The following LTBP1 variants were observed in gnomAD, a reference collection of about 807,000 sequenced individuals.
LTBP1 encodes the protein latent-transforming growth factor beta-binding protein 1.
In LTBP1, 129 loss-of-function variants were observed where a neutral mutation model predicts 207.6. That is an observed-to-expected ratio of 0.62 (90% CI 0.54 to 0.72). LTBP1 has a LOEUF of 0.72. Ranked by LOEUF, LTBP1 falls within the 30% of genes least tolerant of loss-of-function variation. LTBP1 has a pLI of 0.00. For missense variants in LTBP1, 2,281 were observed against 2,217.2 expected (o/e 1.03, Z -0.58); for synonymous variants, 963 against 833.7 (o/e 1.16, Z -2.67).
Position 33,189,486 on chromosome 2 carries a change from A to T in LTBP1, c.1701+635A>T, listed in dbSNP as rs114158198. Among the ~76,000 whole-genome samples the T allele has an allele frequency of 9.5e-3, 1,447 of 152,318 alleles. 29 individuals are homozygous for T. The highest frequency in any genetic ancestry group is 0.033 in the African/African-American group (1,364 of 41,578). ...GCTGGGATTATAGGCATGAGCTACC[A>T]TGCCTGGCTTCCAGAAATGTTTCAG... On this transcript the variant is annotated intron_variant, in intron 7 of 33. Coordinates refer to ENST00000404816, the MANE Select transcript of LTBP1 (RefSeq NM_206943.4).
intron 31 of LTBP1, among the ~76,000 whole-genome samples, chr2:33,366,273 T>A (rs2094986050): frequency 6.6e-6 from 1 of 152,338 alleles, no homozygotes; most frequent in South Asian, 2.1e-4. Context: ...TAAAGTTGAC[T>A]TGTTAAAGCT....
intron 31 of LTBP1, among the ~76,000 whole-genome samples, chr2:33,369,898 C>T (rs933908909): frequency 1.3e-5 from 2 of 152,222 alleles, no homozygotes; most frequent in African/African-American, 4.8e-5. Context: ...CACATTTACA[C>T]AAAACCATCT....
Position 33,056,493 on chromosome 2 carries a change from G to A in LTBP1, c.863+35287G>A, listed in dbSNP as rs1326417450. ...CTGGAGGTGATGAGGGATGATGCGC[G>A]TCTTCTTCTTGTCCCTTCGTGGTTG... On this transcript the variant is annotated intron_variant, in intron 3 of 33. Transcript: ENST00000404816. 16 of 778,180 alleles carry A rather than the reference G, an allele frequency of 2.1e-5. No individual in the cohort carries two copies. In the East Asian group the frequency reaches 2.4e-4, roughly 11 times the overall value. The allele number at this position is 778,180 out of a possible 1,614,324, so 48.2% of individuals were successfully genotyped here. A position where few individuals can be genotyped will look rare whatever the true frequency, so the allele number is the denominator to read the frequency against.
chr2:33,261,569 GT>G (rs3835881), intron 13 of LTBP1, among the ~76,000 whole-genome samples: 96,025 of 151,858 alleles, frequency 0.63, 31,268 homozygotes, highest in East Asian at 0.91. Context: ...GTGAACAACT[GT>G]TAAGAAAAAA....
chr2:33,309,651 T>A, intron 23 of LTBP1, 95 bp downstream of exon 23: 1 of 1,370,084 alleles, frequency 7.3e-7, no homozygotes. Flanking sequence ...CCATGTGATT[T>A]ATATGTAAAT....
intron 3 of LTBP1, among the ~76,000 whole-genome samples, chr2:33,107,458 G>C (rs535811781): frequency 6.6e-6 from 1 of 152,078 alleles, no homozygotes; most frequent in Non-Finnish European, 1.5e-5. Context: ...TGTAGAACAG[G>C]TCTGGATCAA....
At chr2:33,068,915 G>C (rs1299833052) in intron 3 of LTBP1, among the ~76,000 whole-genome samples, 1 of 152,048 alleles carries the variant, frequency 6.6e-6, no homozygotes, top group African/African-American at 2.4e-5. Context: ...GGGTCTTTAT[G>C]GAAAAAGTTT....
chr2:32,972,844 C>T (rs1338166227), intron 2 of LTBP1, among the ~76,000 whole-genome samples: 2 of 152,136 alleles, frequency 1.3e-5, no homozygotes, highest in African/African-American at 4.8e-5. Context: ...GAGGCCTACC[C>T]AGTCATGTGG....
intron 3 of LTBP1, among the ~76,000 whole-genome samples, chr2:33,024,352 G>A (rs2075315539): frequency 6.6e-6 from 1 of 152,190 alleles, no homozygotes; most frequent in Admixed American, 6.5e-5. Context: ...TAGGCTGCCA[G>A]GGAAGACCCT....
chr2:33,216,676 G>A (rs1440179982), intron 7 of LTBP1, among the ~76,000 whole-genome samples: 2 of 152,194 alleles, frequency 1.3e-5, no homozygotes, highest in Admixed American at 6.5e-5. Flanking sequence ...AAAATGTGGG[G>A]TGTGTTAGCC....
At chr2:33,048,475 G>A (rs960885436) in intron 3 of LTBP1, among the ~76,000 whole-genome samples, 11 of 152,204 alleles carry the variant, frequency 7.2e-5, no homozygotes, top group African/African-American at 2.4e-4. Flanking sequence ...TAATAGCATT[G>A]CTTTCCACAG....
chr2:33,303,676 C>G, intron 22 of LTBP1, among the ~76,000 whole-genome samples: 1 of 152,022 alleles, frequency 6.6e-6, no homozygotes, highest in African/African-American at 2.4e-5. Context: ...TCATAAGGAG[C>G]GTGCAACCTA....
At chr2:33,043,303 A>G (rs2076283073) in intron 3 of LTBP1, among the ~76,000 whole-genome samples, 1 of 152,074 alleles carries the variant, frequency 6.6e-6, no homozygotes, top group African/African-American at 2.4e-5. Context: ...AGTCTATAAT[A>G]ATTGGTCAAG....
At chr2:33,188,910 C>A in intron 7 of LTBP1, 59 bp downstream of exon 7, 6 of 1,524,588 alleles carry the variant, frequency 3.9e-6, no homozygotes, top group South Asian at 1.2e-5. Context: ...ATCATTTTAA[C>A]AAGAAAGCCA....
chr2:33,012,462 G>A (rs1687804994), intron 2 of LTBP1, among the ~76,000 whole-genome samples: 1 of 152,220 alleles, frequency 6.6e-6, no homozygotes, highest in African/African-American at 2.4e-5. Context: ...ATCCTTTATG[G>A]TCCCTTGAAT....
rs1380096529 is a variant in LTBP1 at position 32,987,709 on chromosome 2, ATTGGTT to A, written c.566-33198_566-33193del. On this transcript the variant is annotated intron_variant, in intron 2 of 33. Transcript: ENST00000404816. ...AATACACACTGTTGTTATTGTTAATATTGGTTTCAGGGCTTTCAGGAAACAAAGGTC... is the reference window on the plus strand; with the variant it reads ...AATACACACTGTTGTTATTGTTAATATCAGGGCTTTCAGGAAACAAAGGTC... Among the ~76,000 whole-genome samples the A allele has an allele frequency of 5.9e-5, 9 of 152,274 alleles. No individual in the cohort carries two copies. In the South Asian group the frequency reaches 1.5e-3, roughly 25 times the overall value.
chr2:33,080,291 G>A (rs146602723), intron 3 of LTBP1, among the ~76,000 whole-genome samples: 2,018 of 152,248 alleles, frequency 0.013, 30 homozygotes, highest in African/African-American at 0.044. Flanking sequence ...GCTTCCCAAA[G>A]TGCTGAGATT....
intron 23 of LTBP1, among the ~76,000 whole-genome samples, chr2:33,311,526 CAA>C (rs2094187378): frequency 8.4e-6 from 1 of 118,732 alleles, no homozygotes; most frequent in African/African-American, 3.4e-5. Flanking sequence ...ATAAAAATAC[CAA>C]GAGATGGAAA....
At chr2:32,972,286 C>G (rs1228015936) in intron 2 of LTBP1, among the ~76,000 whole-genome samples, 3 of 148,518 alleles carry the variant, frequency 2.0e-5, no homozygotes, top group Non-Finnish European at 4.5e-5. Context: ...TTTTTTCCTT[C>G]TCGGTTATAT....
Sources: gnomAD v4.1 joint callset for allele counts (sites outside exome capture counted in the v4.1 genomes callset) on GRCh38, gnomAD v4.1.1 for gene constraint, MANE v1.5 for transcripts, NCBI Gene and HGNC (gene_info 2026-07-23, HGNC 2026-07-21) for gene names.